TARS2: variants seen among roughly 807,000 people sequenced by gnomAD.
TARS2 encodes the protein threonine--tRNA ligase, mitochondrial.
In TARS2, 61 loss-of-function variants were observed where a neutral mutation model predicts 94.4. The observed-to-expected ratio is 0.65, with a 90% CI of 0.53 to 0.80. The LOEUF (loss-of-function observed/expected upper bound fraction) is 0.80. TARS2 is among the 30% of genes least tolerant of loss of function. The pLI, the probability that TARS2 is intolerant of heterozygous loss-of-function variation, is 0.00. For missense variants in TARS2, 704 were observed against 902.5 expected (o/e 0.78, Z 2.82); for synonymous variants, 359 against 353.4 (o/e 1.02, Z -0.18).
At chr1:150,495,778 G>A (rs1669636229) in intron 7 of TARS2, among the ~76,000 whole-genome samples, 1 of 151,756 alleles carries the variant, frequency 6.6e-6, no homozygotes, top group Non-Finnish European at 1.5e-5. Context: ...GGAGTGCAGT[G>A]GTGCGATCGC....
rs780038314 is a variant in TARS2 at position 150,507,344 on chromosome 1, C to T, written c.*280C>T. On this transcript the variant is annotated 3_prime_UTR_variant, in exon 18 of 18. Transcript: ENST00000369064. Reference sequence around the variant, plus strand: ...CAGCACTCTGGGAGGCTGAGGCGGACGGATCATGAGGTCAGGAGATCAAGA... The same window carrying T: ...CAGCACTCTGGGAGGCTGAGGCGGATGGATCATGAGGTCAGGAGATCAAGA... 1.1e-4 allele frequency: 35 copies of T among 312,060 alleles called. No homozygotes were observed. Among genetic ancestry groups the T allele is most frequent in the Non-Finnish European group, 1.6e-4 (26 of 166,720 alleles). The allele number at this position is 312,060 out of a possible 1,614,324, so 19.3% of individuals were successfully genotyped here. A position where few individuals can be genotyped will look rare whatever the true frequency, so the allele number is the denominator to read the frequency against.
chr1:150,497,507 C>T (rs1035974359), intron 9 of TARS2, 23 bp from the exon 10 acceptor site: 1 of 1,610,050 alleles, frequency 6.2e-7, no homozygotes, highest in African/African-American at 1.3e-5. Context: ...TCTGACCTTC[C>T]ATGTCTGTAC....
chr1:150,498,889 G>A lies in TARS2; in HGVS notation c.1402-8G>A. On this transcript the variant is annotated splice_polypyrimidine_tract_variant and splice_region_variant and intron_variant, in intron 11 of 17. Coordinates refer to ENST00000369064, the MANE Select transcript of TARS2 (RefSeq NM_025150.5). The stretch of plus-strand genomic sequence containing the variant: ...CACAGCTCACTGACCCTTATTTCCT[G>A]CCCCTAGCTGGAAGCAGAGATCCAA... 6.2e-7 allele frequency: 1 copy of A among 1,614,038 alleles called. No individual in the cohort carries two copies.
At chr1:150,501,924 T>A (rs769302255) in intron 13 of TARS2, among the ~76,000 whole-genome samples, 4 of 152,094 alleles carry the variant, frequency 2.6e-5, no homozygotes, top group Non-Finnish European at 5.9e-5. Flanking sequence ...TTTTTATATA[T>A]TTTTTTGAGA....
rs900102088 is a variant in TARS2, at chr1:150,487,739, C to T, written c.67-119C>T. Reference sequence around the variant, plus strand: ...AGCCTAGGGTCTTGTATCACCCAATCCCCTTAAAAAGTAGGAATTCGGACG... The same window carrying T: ...AGCCTAGGGTCTTGTATCACCCAATTCCCTTAAAAAGTAGGAATTCGGACG... On this transcript the variant is annotated intron_variant, in intron 1 of 17. Coordinates refer to ENST00000369064, the MANE Select transcript of TARS2 (RefSeq NM_025150.5). 4.3e-6 allele frequency: 6 copies of T among 1,388,460 alleles called. No individual in the cohort carries two copies. In the African/African-American group the frequency reaches 5.8e-5, roughly 13 times the overall value. The allele number at this position is 1,388,460 out of a possible 1,614,324, so 86.0% of individuals were successfully genotyped here. A position where few individuals can be genotyped will look rare whatever the true frequency, so the allele number is the denominator to read the frequency against.
At chr1:150,493,050 T>C (rs950999550) in intron 7 of TARS2, among the ~76,000 whole-genome samples, 4 of 151,906 alleles carry the variant, frequency 2.6e-5, no homozygotes, top group Admixed American at 2.0e-4. Flanking sequence ...GCCCAGCTAC[T>C]TTTTGTATTT....
At chr1:150,506,714 ACTTC>A (rs1216276894) in intron 17 of TARS2, among the ~76,000 whole-genome samples, 198 bp from the exon 18 acceptor site, 2 of 151,826 alleles carry the variant, frequency 1.3e-5, no homozygotes, top group Non-Finnish European at 2.9e-5. Context: ...GGACTGAAGC[ACTTC>A]CTTGTCTCCT....
At chr1:150,490,182 G>T (rs1185948765) in intron 3 of TARS2, among the ~76,000 whole-genome samples, 1 of 140,986 alleles carries the variant, frequency 7.1e-6, no homozygotes, top group Admixed American at 7.4e-5. Context: ...GCAGTGGCGC[G>T]ATCTTGGTTC....
intron 11 of TARS2, 59 bp downstream of exon 11, chr1:150,498,723 ACCTGCAAAC>A (rs778781435): frequency 1.3e-4 from 213 of 1,611,034 alleles, no homozygotes; most frequent in Non-Finnish European, 1.7e-4. Flanking sequence ...CTCCCTATGA[ACCTGCAAAC>A]CCCTGATCTT....
chr1:150,506,478 A>ACG (rs200386469), intron 17 of TARS2, among the ~76,000 whole-genome samples: 2 of 42,218 alleles, frequency 4.7e-5, no homozygotes, highest in African/African-American at 1.5e-4. Flanking sequence ...CCCTTCAGAC[A>ACG]CGCGCGCGCA....
Position 150,490,596 on chromosome 1 carries a change from C to T in TARS2, c.388-5C>T, listed in dbSNP as rs1328328928. 6.2e-7 allele frequency: 1 copy of T among 1,607,750 alleles called. No individual in the cohort carries two copies. Among genetic ancestry groups the T allele is most frequent in the Admixed American group, 1.7e-5 (1 of 57,906 alleles). Reference sequence around the variant, plus strand: ...AACTTGTGAACCCCTTTTTTGTGAACCCAGGTGTTCTGGCACTCCAGCACC... The same window carrying T: ...AACTTGTGAACCCCTTTTTTGTGAATCCAGGTGTTCTGGCACTCCAGCACC... On this transcript the variant is annotated splice_polypyrimidine_tract_variant and splice_region_variant and intron_variant, in intron 3 of 17. Transcript: ENST00000369064.
At chr1:150,501,389 C>T (rs1476956014) in intron 13 of TARS2, among the ~76,000 whole-genome samples, 1 of 142,052 alleles carries the variant, frequency 7.0e-6, no homozygotes. Context: ...TCGATCTCGG[C>T]TCACTGCAAG....
intron 13 of TARS2, among the ~76,000 whole-genome samples, chr1:150,502,534 C>T (rs770497523): frequency 2.0e-5 from 3 of 152,010 alleles, no homozygotes; most frequent in African/African-American, 7.2e-5. Context: ...TACAGGCACC[C>T]GCTACCACAC....
intron 7 of TARS2, among the ~76,000 whole-genome samples, chr1:150,495,310 A>G (rs1001551017): frequency 6.6e-6 from 1 of 150,920 alleles, no homozygotes; most frequent in African/African-American, 2.4e-5. Context: ...GCGCCACTGC[A>G]CTCCAGCCTG....
At chr1:150,495,173 G>A (rs1279168197) in intron 7 of TARS2, among the ~76,000 whole-genome samples, 7 of 143,562 alleles carry the variant, frequency 4.9e-5, no homozygotes, top group Admixed American at 6.9e-5. Context: ...GCGAGACTCC[G>A]TCTCAAAAAA....
chr1:150,487,844 A>G lies in TARS2; in HGVS notation c.67-14A>G. On this transcript the variant is annotated splice_polypyrimidine_tract_variant and intron_variant, in intron 1 of 17. Transcript: ENST00000369064. ...TGGGACGTGTGTTACCTGCTAATAT[A>G]TCTTTCCCTCCAGGCAGTTGTGTCG... The G allele has an allele frequency of 6.2e-7, 1 of 1,609,884 alleles. No individual in the cohort carries two copies. Among genetic ancestry groups the G allele is most frequent in the South Asian group, 1.1e-5 (1 of 90,948 alleles).
rs374677699 is a variant in TARS2 at position 150,507,025 on chromosome 1, A to G, written c.2118A>G (p.Leu706=). Residue 706 remains leucine (L), a synonymous_variant, in exon 18 of 18, where the codon CTA becomes CTG. Transcript: ENST00000369064. The stretch of plus-strand genomic sequence containing the variant: ...AGGCTGTGCAGCGACTGGTGGAGCT[A>G]CAGAACACGAGGGTCCCAAATGCCG... The part of the protein sequence containing the change: ...LPEAVQRLVE[L]QNTRVPNAEE... 8 of 1,614,018 alleles carry G rather than the reference A, an allele frequency of 5.0e-6. No homozygotes were observed. The African/African-American group carries it at 8.0e-5, about 16-fold the overall frequency.
At chr1:150,504,165 T>C (rs1386413982) in intron 13 of TARS2, among the ~76,000 whole-genome samples, 170 bp from the exon 14 acceptor site, 1 of 151,818 alleles carries the variant, frequency 6.6e-6, no homozygotes, top group African/African-American at 2.4e-5. Flanking sequence ...CCAGAGTGAG[T>C]TGAGTAGAGT....
rs762921629 is a variant in TARS2 at position 150,490,211 on chromosome 1, C to T, written c.388-390C>T. The stretch of plus-strand genomic sequence containing the variant: ...TTGGTTCACTGCAACTTCCACCTCC[C>T]GGGTTCAAGTGATTCTCCTGCCTCA... On this transcript the variant is annotated intron_variant, in intron 3 of 17. Coordinates refer to ENST00000369064, the MANE Select transcript of TARS2 (RefSeq NM_025150.5). 2.4e-4 allele frequency among the ~76,000 whole-genome samples: 36 copies of T among 148,600 alleles called. 1 individual carries two copies. Among genetic ancestry groups the T allele is most frequent in the South Asian group, 6.5e-4 (3 of 4,618 alleles).
Sources: gnomAD v4.1 joint callset for allele counts (sites outside exome capture counted in the v4.1 genomes callset) on GRCh38, gnomAD v4.1.1 for gene constraint, MANE v1.5 for transcripts, NCBI Gene and HGNC (gene_info 2026-07-23, HGNC 2026-07-21) for gene names.